The following PICALM variants were observed in gnomAD, a reference collection of about 807,000 sequenced individuals.
PICALM encodes the protein phosphatidylinositol binding clathrin assembly protein.
Under a neutral mutation model 80.5 loss-of-function variants are expected in PICALM, and 40 were observed. That is an observed-to-expected ratio of 0.50 (90% confidence interval 0.39 to 0.65). The LOEUF (loss-of-function observed/expected upper bound fraction) is 0.65. PICALM is among the 30% of genes least tolerant of loss of function. The pLI, the probability that PICALM is intolerant of heterozygous loss-of-function variation, is 0.00. For missense variants in PICALM, 676 were observed against 778.9 expected, an observed-to-expected ratio of 0.87 and a Z score of 1.57; for synonymous variants, 288 against 260.3, an observed-to-expected ratio of 1.11 and a Z score of -1.02.
At chr11:86,039,534 A>C (rs2095910275) in intron 1 of PICALM, among the ~76,000 whole-genome samples, 1 of 152,250 alleles carries the variant, frequency 6.6e-6, no homozygotes, top group Admixed American at 6.5e-5. Context: ...TATTCAATAG[A>C]AAAACTGCCA....
chr11:85,970,590 AG>A (rs1353638575), intron 19 of PICALM, among the ~76,000 whole-genome samples: 3 of 152,156 alleles, frequency 2.0e-5, no homozygotes, highest in African/African-American at 4.8e-5. Context: ...CCCAGGAGGG[AG>A]GATCACTTGA....
At chr11:85,996,985 G>T (rs1053889912) in intron 11 of PICALM, 56 bp from the exon 12 acceptor site, 5 of 1,016,308 alleles carry the variant, frequency 4.9e-6, no homozygotes, top group Non-Finnish European at 7.7e-6. Context: ...TGCTACTTTA[G>T]TGTCACCTTC....
chr11:85,989,879 T>C (rs2094706542), intron 13 of PICALM, among the ~76,000 whole-genome samples: 1 of 152,012 alleles, frequency 6.6e-6, no homozygotes, highest in South Asian at 2.1e-4. Flanking sequence ...GAGAAAAATA[T>C]AATCACATAT....
intron 13 of PICALM, among the ~76,000 whole-genome samples, chr11:85,984,956 C>A (rs895188862): frequency 3.3e-5 from 5 of 152,080 alleles, no homozygotes; most frequent in Non-Finnish European, 7.4e-5. Context: ...TCACAAGGAT[C>A]ACAAAGAAGA....
At position 86,026,360 on chromosome 11, in the gene PICALM, A is replaced by G. The variant is rs1426848837; in HGVS notation, c.281T>C (p.Ile94Thr). ...CGTGTTTCTTGAAGCCAAATACTGA[A>G]TAAAACGCTGGAAAAAAAAAATTAC... The part of the protein sequence containing the change: ...HLMVYGNERF[I>T]QYLASRNTLF... The change falls in exon 3 of 20, where the codon ATT becomes ACT. Residue 94 changes from isoleucine to threonine, a missense_variant. Ile to Thr is a moderately conservative substitution (Grantham distance 89). This residue lies in a region of PICALM where 285 missense variants were observed against 395.4 expected (regional missense o/e 0.72). Coordinates refer to ENST00000393346, the MANE Select transcript of PICALM (RefSeq NM_007166.4). 2 of 1,599,532 alleles carry G rather than the reference A, an allele frequency of 1.3e-6. No homozygotes were observed. Among genetic ancestry groups the G allele is most frequent in the African/African-American group, 2.7e-5 (2 of 74,616 alleles).
In PICALM at chr11:86,026,340, T is replaced by C; in HGVS notation, c.301A>G (p.Asn101Asp). 1 of 1,604,648 alleles carries C rather than the reference T, an allele frequency of 6.2e-7. No homozygotes were observed. Among genetic ancestry groups the C allele is most frequent in the Non-Finnish European group, 8.5e-7 (1 of 1,173,562 alleles). The change falls in exon 3 of 20, where the codon AAC becomes GAC. Residue 101 changes from asparagine to aspartate, a missense_variant. By Grantham distance (23) the Asn-to-Asp change is conservative (BLOSUM62 1). Coordinates refer to ENST00000393346, the MANE Select transcript of PICALM (RefSeq NM_007166.4). ...ERFIQYLASRNTLFNLSNFLD... is the reference protein window; with the variant it reads ...ERFIQYLASRDTLFNLSNFLD... ...AAATTGCTTAAGTTAAACAACGTGT[T>C]TCTTGAAGCCAAATACTGAATAAAA...
At chr11:86,010,651 C>G (rs2095377986) in intron 7 of PICALM, among the ~76,000 whole-genome samples, 1 of 152,110 alleles carries the variant, frequency 6.6e-6, no homozygotes, top group African/African-American at 2.4e-5. Context: ...ATGGCTCCAG[C>G]TGTCTCACTG....
intron 4 of PICALM, among the ~76,000 whole-genome samples, chr11:86,017,201 T>C (rs959376625): frequency 5.6e-5 from 8 of 143,954 alleles, no homozygotes; most frequent in African/African-American, 1.8e-4. Context: ...CCAGCCTGGG[T>C]GACAGAGTGA....
chr11:85,994,454 A>T (rs539550046), intron 12 of PICALM, among the ~76,000 whole-genome samples: 2 of 152,282 alleles, frequency 1.3e-5, no homozygotes, highest in East Asian at 3.9e-4. Context: ...ATCTATGACT[A>T]GGAATGCGCA....
rs867844863 is a variant in PICALM at position 85,963,939 on chromosome 11, T to C, written c.1945-4879A>G. On this transcript the variant is annotated intron_variant, in intron 19 of 19. Coordinates refer to ENST00000393346, the MANE Select transcript of PICALM (RefSeq NM_007166.4). ...ACCTGGCTTTTTTTTTTTTTTTTTT[T>C]TTTTATTAAAGTTAAGGTCTTGCAA... Among the ~76,000 whole-genome samples, 398 of 148,880 alleles carry C rather than the reference T, an allele frequency of 2.7e-3. 3 individuals are homozygous for C. Among genetic ancestry groups the C allele is most frequent in the South Asian group, 0.011 (51 of 4,684 alleles).
At chr11:86,066,080 C>CA (rs1342723291) in intron 1 of PICALM, among the ~76,000 whole-genome samples, 3 of 152,036 alleles carry the variant, frequency 2.0e-5, no homozygotes, top group Non-Finnish European at 4.4e-5. Context: ...TCCTAAAAGA[C>CA]AAAAAATTAC....
At chr11:85,996,760 G>T in intron 12 of PICALM, 66 bp downstream of exon 12, 1 of 959,858 alleles carries the variant, frequency 1.0e-6, no homozygotes, top group Non-Finnish European at 1.7e-6. Context: ...CTACAAATAA[G>T]TAAACACCAC....
In PICALM at chr11:85,981,976, T is replaced by G. The variant is rs1399284488; in HGVS notation, c.1544A>C (p.Lys515Thr). 3.1e-6 allele frequency: 5 copies of G among 1,613,486 alleles called. No homozygotes were observed. Among genetic ancestry groups the G allele is most frequent in the Non-Finnish European group, 1.7e-6 (2 of 1,179,412 alleles). Residue 515 changes from lysine to threonine, a missense_variant, in exon 15 of 20, where the codon AAA becomes ACA. By Grantham distance (78) the Lys-to-Thr change is moderately conservative (BLOSUM62 -1). Transcript: ENST00000393346. ...CTGGTTCTGAGAGGCCACTGTTGGT[T>G]TGAGAAGTCCACCTAGTTCATCAAA... ...GGFDELGGLL[K>T]PTVASQNQNL... is the part of the protein sequence containing the mutation.
chr11:85,990,423 G>A (rs987385828), intron 12 of PICALM, 24 bp from the exon 13 acceptor site: 15 of 1,467,346 alleles, frequency 1.0e-5, no homozygotes, highest in Admixed American at 7.8e-5. Flanking sequence ...ATGTATTATA[G>A]CAAAATGAAG....
intron 6 of PICALM, among the ~76,000 whole-genome samples, chr11:86,011,857 T>A (rs911913269): frequency 6.6e-6 from 1 of 151,402 alleles, no homozygotes. Context: ...TTTTGTTTTT[T>A]TTTTTTTTTT....
chr11:85,965,355 A>G (rs900793452), intron 19 of PICALM, among the ~76,000 whole-genome samples: 3 of 152,204 alleles, frequency 2.0e-5, no homozygotes, highest in Admixed American at 6.5e-5. Context: ...CATCAGCACA[A>G]ACAGACTTAG....
intron 19 of PICALM, among the ~76,000 whole-genome samples, chr11:85,964,906 T>C (rs769587911): frequency 6.6e-6 from 1 of 152,226 alleles, no homozygotes; most frequent in Non-Finnish European, 1.5e-5. Flanking sequence ...CAAAGTGGAA[T>C]GTACAAAGAA....
chr11:85,967,131 T>A (rs372670132), intron 19 of PICALM, among the ~76,000 whole-genome samples: 1 of 152,216 alleles, frequency 6.6e-6, no homozygotes, highest in African/African-American at 2.4e-5. Flanking sequence ...TCCCAATTAA[T>A]TTCAATTCAG....
intron 12 of PICALM, among the ~76,000 whole-genome samples, chr11:85,991,519 G>A (rs936076497): frequency 5.3e-5 from 8 of 151,234 alleles, no homozygotes; most frequent in African/African-American, 1.9e-4. Context: ...CATTCTACAA[G>A]CTCAAATACA....
Sources: gnomAD v4.1 joint callset for allele counts (sites outside exome capture counted in the v4.1 genomes callset) on GRCh38, gnomAD v4.1.1 for gene constraint, gnomAD v4.1.1 regional missense constraint, MANE v1.5 for transcripts, NCBI Gene and HGNC (gene_info 2026-07-23, HGNC 2026-07-21) for gene names.